FSTL5: variants seen among roughly 807,000 people sequenced by gnomAD.
The protein encoded by FSTL5 is follistatin like 5, also known as follistatin-related protein 5.
FSTL5 carries 62 observed loss-of-function variants against 89.1 expected under a neutral mutation model. That is an observed-to-expected ratio of 0.70 (90% confidence interval 0.57 to 0.86). The LOEUF is 0.86. FSTL5 is among the 40% of genes least tolerant of loss of function. The probability of loss-of-function intolerance (pLI) is 0.00; values close to 1 mark genes in which losing one functional copy is unlikely to be tolerated. For missense variants in FSTL5, 1,057 were observed against 1,001.6 expected, an observed-to-expected ratio of 1.06 and a Z score of -0.75; for synonymous variants, 383 against 346.2, an observed-to-expected ratio of 1.11 and a Z score of -1.18.
chr4:161,848,643 C>T (rs1463483847), intron 4 of FSTL5, among the ~76,000 whole-genome samples: 1 of 151,916 alleles, frequency 6.6e-6, no homozygotes, highest in Admixed American at 6.6e-5. Flanking sequence ...ATTAGAAAAG[C>T]CCTAGCTACA....
At chr4:161,777,243 G>GTATATATATATATATATA (rs4065063) in intron 4 of FSTL5, among the ~76,000 whole-genome samples, 9 of 144,972 alleles carry the variant, frequency 6.2e-5, no homozygotes, top group Non-Finnish European at 1.2e-4. Context: ...ATTTCATTGT[G>GTATATATATATATATATA]TATATATATA....
At chr4:161,715,548 C>A (rs983572240) in intron 6 of FSTL5, among the ~76,000 whole-genome samples, 1 of 152,232 alleles carries the variant, frequency 6.6e-6, no homozygotes, top group East Asian at 1.9e-4. Flanking sequence ...GAGCTCTCCA[C>A]CCTCCACTAT....
At chr4:161,694,268 T>C (rs1374282902) in intron 6 of FSTL5, among the ~76,000 whole-genome samples, 5 of 152,128 alleles carry the variant, frequency 3.3e-5, no homozygotes, top group Non-Finnish European at 7.4e-5. Flanking sequence ...CTTTATCTTT[T>C]CTTCTCTTTC....
chr4:161,399,752 G>A (rs556592156), intron 15 of FSTL5, among the ~76,000 whole-genome samples: 46 of 152,218 alleles, frequency 3.0e-4, no homozygotes, highest in South Asian at 1.2e-3. Flanking sequence ...AACTGCTCAC[G>A]TGGAGTGGAG....
chr4:161,599,990 A>G (rs897233997), intron 7 of FSTL5, among the ~76,000 whole-genome samples: 2 of 152,220 alleles, frequency 1.3e-5, no homozygotes, highest in East Asian at 3.9e-4. Flanking sequence ...TTTTACACAT[A>G]AAGAAACAAA....
At chr4:161,935,126 G>C (rs1256400373) in intron 3 of FSTL5, among the ~76,000 whole-genome samples, 1 of 152,062 alleles carries the variant, frequency 6.6e-6, no homozygotes, top group Non-Finnish European at 1.5e-5. Flanking sequence ...TATGGTAATG[G>C]AAATTAGAAC....
chr4:161,809,445 A>G (rs1730074548), intron 4 of FSTL5, among the ~76,000 whole-genome samples: 1 of 152,238 alleles, frequency 6.6e-6, no homozygotes, highest in South Asian at 2.1e-4. Flanking sequence ...AAAATTAAAA[A>G]TAGAACTACC....
At chr4:161,609,839 G>A (rs1022646591) in intron 7 of FSTL5, among the ~76,000 whole-genome samples, 1 of 152,026 alleles carries the variant, frequency 6.6e-6, no homozygotes, top group Non-Finnish European at 1.5e-5. Context: ...GTTCCTCAGG[G>A]AGATAATATT....
At chr4:161,683,048 T>C (rs1737581977) in intron 6 of FSTL5, among the ~76,000 whole-genome samples, 1 of 152,094 alleles carries the variant, frequency 6.6e-6, no homozygotes, top group Non-Finnish European at 1.5e-5. Flanking sequence ...CCCGGCCAAC[T>C]TTTCTTTTTT....
chr4:161,648,427 A>G (rs1374686384), intron 7 of FSTL5, among the ~76,000 whole-genome samples: 1 of 152,166 alleles, frequency 6.6e-6, no homozygotes, highest in Non-Finnish European at 1.5e-5. Flanking sequence ...CACCCTGTTA[A>G]GTGGACAAGG....
chr4:161,670,104 T>C (rs1426683106), intron 6 of FSTL5, among the ~76,000 whole-genome samples: 2 of 152,230 alleles, frequency 1.3e-5, no homozygotes, highest in African/African-American at 4.8e-5. Context: ...CAGAATTAAC[T>C]TACCATCTTT....
intron 10 of FSTL5, among the ~76,000 whole-genome samples, chr4:161,528,161 G>A (rs1731293875): frequency 1.3e-5 from 1 of 75,288 alleles, no homozygotes; most frequent in Non-Finnish European, 2.6e-5. Flanking sequence ...GGGGGGAGGG[G>A]GGAGGGATAA....
At chr4:161,619,008 C>A (rs1295994748) in intron 7 of FSTL5, among the ~76,000 whole-genome samples, 1 of 152,142 alleles carries the variant, frequency 6.6e-6, no homozygotes, top group Non-Finnish European at 1.5e-5. Flanking sequence ...ATCAATGGAA[C>A]AGAACAGAGC....
chr4:161,830,199 C>A (rs944422763), intron 4 of FSTL5, among the ~76,000 whole-genome samples: 1 of 151,940 alleles, frequency 6.6e-6, no homozygotes, highest in African/African-American at 2.4e-5. Flanking sequence ...CCATCACTAT[C>A]AGACACATTT....
intron 7 of FSTL5, among the ~76,000 whole-genome samples, chr4:161,602,905 C>T (rs376203964): frequency 1.3e-5 from 2 of 152,106 alleles, no homozygotes; most frequent in Non-Finnish European, 2.9e-5. Context: ...AGAAATCCTA[C>T]AGGAAACTCT....
intron 3 of FSTL5, among the ~76,000 whole-genome samples, chr4:161,963,525 C>T (rs1735239235): frequency 6.6e-6 from 1 of 151,760 alleles, no homozygotes; most frequent in Non-Finnish European, 1.5e-5. Flanking sequence ...AGACTCAAGA[C>T]CGTGACCGAA....
intron 6 of FSTL5, among the ~76,000 whole-genome samples, chr4:161,739,842 T>G (rs1739943180): frequency 8.9e-6 from 1 of 112,348 alleles, no homozygotes; most frequent in African/African-American, 2.5e-5. Flanking sequence ...ATAATTGGAC[T>G]CCACAGAAGT....
At chr4:161,416,701 C>A (rs113815917) in intron 15 of FSTL5, among the ~76,000 whole-genome samples, 1 of 151,698 alleles carries the variant, frequency 6.6e-6, no homozygotes, top group African/African-American at 2.4e-5. Flanking sequence ...AAAAATTAGC[C>A]GGGTGTGGTG....
At chr4:162,146,005 A>G (rs1732967934) in intron 1 of FSTL5, among the ~76,000 whole-genome samples, 1 of 152,194 alleles carries the variant, frequency 6.6e-6, no homozygotes, top group Non-Finnish European at 1.5e-5. Context: ...TAAACAGACT[A>G]AAACTATTTC....
Sources: gnomAD v4.1 joint callset for allele counts (sites outside exome capture counted in the v4.1 genomes callset) on GRCh38, gnomAD v4.1.1 for gene constraint, MANE v1.5 for transcripts, NCBI Gene and HGNC (gene_info 2026-07-23, HGNC 2026-07-21) for gene names.